LMBRD1: variants seen among roughly 807,000 people sequenced by gnomAD.
The protein encoded by LMBRD1 is lysosomal cobalamin transport escort protein LMBD1.
A neutral mutation model predicts 74.8 loss-of-function variants in LMBRD1; 64 were observed. That is an observed-to-expected ratio of 0.86 (90% CI 0.70 to 1.05). LMBRD1 has a LOEUF of 1.05. LMBRD1 is among the 50% of genes least tolerant of loss of function. The pLI is 0.00. For missense variants in LMBRD1, 652 were observed against 645.9 expected, an observed-to-expected ratio of 1.01 and a Z score of -0.10; for synonymous variants, 204 against 216.3, an observed-to-expected ratio of 0.94 and a Z score of 0.50.
At chr6:69,691,163 C>T (rs529269635) in intron 14 of LMBRD1, among the ~76,000 whole-genome samples, 97 of 106,164 alleles carry the variant, frequency 9.1e-4, no homozygotes, top group African/African-American at 2.8e-3. Flanking sequence ...TTTTTTTTAA[C>T]AATTTAAAGG....
chr6:69,752,095 TAATTA>T (rs1765170357), intron 4 of LMBRD1, among the ~76,000 whole-genome samples, 159 bp downstream of exon 4: 1 of 152,360 alleles, frequency 6.6e-6, no homozygotes, highest in South Asian at 2.1e-4. Flanking sequence ...ATACAATGTA[TAATTA>T]AATTAATTTC....
At chr6:69,688,023 G>C (rs1765799559) in intron 14 of LMBRD1, among the ~76,000 whole-genome samples, 1 of 152,048 alleles carries the variant, frequency 6.6e-6, no homozygotes, top group Admixed American at 6.5e-5. Flanking sequence ...TTTAAATTAA[G>C]ACAGGAGCAA....
intron 7 of LMBRD1, among the ~76,000 whole-genome samples, chr6:69,733,276 G>A (rs1424097942): frequency 1.3e-5 from 2 of 151,980 alleles, no homozygotes; most frequent in East Asian, 3.9e-4. Flanking sequence ...ACCTATTCTA[G>A]TCCTCATGCA....
At chr6:69,709,437 G>C (rs1374649387) in intron 9 of LMBRD1, among the ~76,000 whole-genome samples, 1 of 152,006 alleles carries the variant, frequency 6.6e-6, no homozygotes, top group Non-Finnish European at 1.5e-5. Context: ...GATTCCTTCA[G>C]GCATGCCTAT....
intron 13 of LMBRD1, among the ~76,000 whole-genome samples, chr6:69,698,505 C>T (rs750623286): frequency 5.3e-5 from 8 of 152,020 alleles, no homozygotes; most frequent in East Asian, 1.9e-4. Context: ...TATTTTGAAT[C>T]GTCAGAAAAT....
At chr6:69,718,908 A>G (rs747885091) in intron 8 of LMBRD1, 48 bp downstream of exon 8, 65 of 1,603,724 alleles carry the variant, frequency 4.1e-5, no homozygotes, top group Non-Finnish European at 5.0e-5. Context: ...AGCAGCTCTA[A>G]GACAAAGTAG....
At chr6:69,750,132 A>C (rs1360272037) in intron 4 of LMBRD1, among the ~76,000 whole-genome samples, 1 of 148,544 alleles carries the variant, frequency 6.7e-6, no homozygotes, top group Non-Finnish European at 1.5e-5. Flanking sequence ...ACATATACAT[A>C]AATATATGTG....
intron 2 of LMBRD1, among the ~76,000 whole-genome samples, chr6:69,785,570 C>T (rs1765927913): frequency 6.6e-6 from 1 of 152,192 alleles, no homozygotes; most frequent in Admixed American, 6.5e-5. Flanking sequence ...AAAACCTAGG[C>T]ATCAGTGCTC....
At chr6:69,751,328 C>CT (rs765182820) in intron 4 of LMBRD1, among the ~76,000 whole-genome samples, 343 of 143,936 alleles carry the variant, frequency 2.4e-3, no homozygotes, top group South Asian at 4.8e-3. Flanking sequence ...AAAGTCGGTC[C>CT]TTTTTTTTTT....
intron 7 of LMBRD1, among the ~76,000 whole-genome samples, chr6:69,731,285 T>C (rs1366578346): frequency 1.3e-5 from 2 of 152,100 alleles, no homozygotes; most frequent in African/African-American, 2.4e-5. Flanking sequence ...TAATCTATTG[T>C]ATATTTCCAA....
At chr6:69,732,876 C>T (rs186231303) in intron 7 of LMBRD1, among the ~76,000 whole-genome samples, 52 of 152,276 alleles carry the variant, frequency 3.4e-4, no homozygotes, top group Middle Eastern at 6.8e-3. Flanking sequence ...ACATATATAT[C>T]CGTGCCTGTT....
At chr6:69,713,474 T>C (rs1340130855) in intron 9 of LMBRD1, among the ~76,000 whole-genome samples, 171 bp downstream of exon 9, 2 of 152,136 alleles carry the variant, frequency 1.3e-5, no homozygotes, top group Non-Finnish European at 2.9e-5. Flanking sequence ...AGAAAGGTTA[T>C]GCACCTTACC....
At position 69,738,019 on chromosome 6, in the gene LMBRD1, T is replaced by C; in HGVS notation, c.563-4A>G. Reference sequence around the variant, plus strand: ...AATGACAATGCAGCTAAACCATCTGTGAAGAAAGAAAAACTGTTAAAAATG... The same window carrying C: ...AATGACAATGCAGCTAAACCATCTGCGAAGAAAGAAAAACTGTTAAAAATG... On this transcript the variant is annotated splice_polypyrimidine_tract_variant and splice_region_variant and intron_variant, in intron 6 of 15. Transcript: ENST00000649934. The C allele has an allele frequency of 1.2e-6, 2 of 1,603,676 alleles. No individual in the cohort carries two copies. Among genetic ancestry groups the C allele is most frequent in the African/African-American group, 1.3e-5 (1 of 74,654 alleles).
chr6:69,749,432 A>G (rs747112017), intron 4 of LMBRD1, 24 bp from the exon 5 acceptor site: 6 of 1,579,860 alleles, frequency 3.8e-6, no homozygotes, highest in African/African-American at 1.3e-5. Flanking sequence ...AGAAAAAAGT[A>G]TAACATTTAG....
At chr6:69,785,400 G>A (rs1477343613) in intron 2 of LMBRD1, among the ~76,000 whole-genome samples, 1 of 152,132 alleles carries the variant, frequency 6.6e-6, no homozygotes, top group Non-Finnish European at 1.5e-5. Flanking sequence ...TCTTCACAGA[G>A]CTTCAACTCC....
intron 3 of LMBRD1, among the ~76,000 whole-genome samples, chr6:69,762,147 C>T (rs907095020): frequency 6.6e-6 from 1 of 152,164 alleles, no homozygotes; most frequent in African/African-American, 2.4e-5. Flanking sequence ...GCGCATACTG[C>T]ATTTTATTTA....
chr6:69,774,390 C>T (rs1765642679), intron 3 of LMBRD1, among the ~76,000 whole-genome samples: 2 of 152,172 alleles, frequency 1.3e-5, no homozygotes, highest in Non-Finnish European at 2.9e-5. Flanking sequence ...AGGCTAATAA[C>T]ATGAGGAATT....
At chr6:69,748,218 A>G (rs1765039380) in intron 5 of LMBRD1, among the ~76,000 whole-genome samples, 1 of 152,178 alleles carries the variant, frequency 6.6e-6, no homozygotes, top group Non-Finnish European at 1.5e-5. Flanking sequence ...AATCTAAAAT[A>G]CTTACTATCT....
intron 14 of LMBRD1, among the ~76,000 whole-genome samples, chr6:69,680,809 C>T (rs2149834504): frequency 6.6e-6 from 1 of 152,118 alleles, no homozygotes; most frequent in South Asian, 2.1e-4. Flanking sequence ...CATATATTTC[C>T]TATTCAAGTG....
Sources: gnomAD v4.1 joint callset for allele counts (sites outside exome capture counted in the v4.1 genomes callset) on GRCh38, gnomAD v4.1.1 for gene constraint, MANE v1.5 for transcripts, NCBI Gene and HGNC (gene_info 2026-07-23, HGNC 2026-07-21) for gene names.